The following DMD variants were observed in gnomAD, a reference collection of about 807,000 sequenced individuals.
DMD encodes the protein dystrophin.
In DMD, 63 loss-of-function variants were observed where a neutral mutation model predicts 330.1. That is an observed-to-expected ratio of 0.19 (90% confidence interval 0.16 to 0.24). DMD has a LOEUF of 0.24. DMD is among the 10% of genes least tolerant of loss of function. The pLI is 1.00. For missense variants in DMD, 3,344 were observed against 2,684.1 expected (o/e 1.25, Z -5.43); for synonymous variants, 1,223 against 959.8 (o/e 1.27, Z -5.07).
At chrX:33,129,617 A>ATT (rs200389574) in intron 1 of DMD, among the ~76,000 whole-genome samples, 2 of 105,716 alleles carry the variant, frequency 1.9e-5, no homozygotes, top group African/African-American at 6.9e-5. Flanking sequence ...AATGTGACTG[A>ATT]TTTTTTTTTT....
intron 29 of DMD, among the ~76,000 whole-genome samples, chrX:32,415,417 T>C (rs1373270827): frequency 3.6e-5 from 4 of 111,764 alleles, no homozygotes; most frequent in African/African-American, 6.5e-5. Context: ...AAAGACCTCA[T>C]GTCAATGCAA....
intron 60 of DMD, among the ~76,000 whole-genome samples, chrX:31,385,597 G>A (rs1376943275): frequency 8.9e-6 from 1 of 112,209 alleles, no homozygotes; most frequent in Non-Finnish European, 1.9e-5. Flanking sequence ...TTTGATACAG[G>A]CATGCAATGT....
At chrX:32,335,258 G>T (rs1417906975) in intron 41 of DMD, among the ~76,000 whole-genome samples, 2 of 108,821 alleles carry the variant, frequency 1.8e-5, no homozygotes, top group South Asian at 3.9e-4. Context: ...CTGTAGTGCA[G>T]TGGTGTGATC....
intron 1 of DMD, among the ~76,000 whole-genome samples, chrX:33,108,536 G>T (rs1182276635): frequency 9.2e-6 from 1 of 109,014 alleles, no homozygotes; most frequent in Non-Finnish European, 1.9e-5. Context: ...AAAGTGCTGG[G>T]ATTACAGGCA....
intron 50 of DMD, among the ~76,000 whole-genome samples, chrX:31,807,041 T>A (rs1309590523): frequency 9.0e-6 from 1 of 111,472 alleles, no homozygotes; most frequent in Non-Finnish European, 1.9e-5. Flanking sequence ...TATGAACATA[T>A]GTTGGAGGAA....
chrX:32,517,884 C>T (rs2046013617), intron 18 of DMD, 124 bp downstream of exon 18: 6 of 777,054 alleles, frequency 7.7e-6, no homozygotes, highest in Non-Finnish European at 9.7e-6. Context: ...ATTTTTAAGA[C>T]ATATTAAACA....
At chrX:32,729,573 A>G (rs1475633891) in intron 7 of DMD, among the ~76,000 whole-genome samples, 1 of 111,583 alleles carries the variant, frequency 9.0e-6, no homozygotes, top group Admixed American at 9.5e-5. Flanking sequence ...CCCCCAATCT[A>G]TCTTTAACAT....
At chrX:31,466,295 G>GT (rs907315688) in intron 59 of DMD, among the ~76,000 whole-genome samples, 2 of 111,953 alleles carry the variant, frequency 1.8e-5, no homozygotes, top group Non-Finnish European at 3.8e-5. Flanking sequence ...TTCTTCTAGG[G>GT]TTTTTATGGT....
intron 1 of DMD, among the ~76,000 whole-genome samples, chrX:33,206,697 G>A (rs1310770176): frequency 9.0e-6 from 1 of 111,060 alleles, no homozygotes; most frequent in Non-Finnish European, 1.9e-5. Context: ...TTTTGAACGA[G>A]TGATATCAGA....
At position 32,468,292 on chromosome X, in the gene DMD, A is replaced by C. The variant is rs181939140; in HGVS notation, c.3162+206T>G. ...ATGGTGAAAATAGAAAATTCATTCT[A>C]AAAACACTGAGAAAACTCCTATTCT... On this transcript the variant is annotated intron_variant, in intron 23 of 78. Coordinates refer to ENST00000357033, the MANE Select transcript of DMD (RefSeq NM_004006.3). 2.4e-4 allele frequency among the ~76,000 whole-genome samples: 27 copies of C among 111,218 alleles called. No individual in the cohort carries two copies. The East Asian group carries it at 6.8e-3, about 28-fold the overall frequency.
At chrX:32,846,471 C>T in intron 3 of DMD, among the ~76,000 whole-genome samples, 1 of 111,156 alleles carries the variant, frequency 9.0e-6, no homozygotes, top group East Asian at 2.8e-4. Flanking sequence ...ATCATTTGCA[C>T]TGCCTGCTGA....
rs189337842 is a variant in DMD at position 31,314,508 on chromosome X, G to T, written c.9224+9090C>A. ...TGAGAGTTTCAGGAAGAGCAGCGAG[G>T]CTTTTCAGTTTCATCCCCCCAGGAG... is the stretch of plus-strand genomic sequence containing the variant. On this transcript the variant is annotated intron_variant, in intron 62 of 78. Coordinates refer to ENST00000357033, the MANE Select transcript of DMD (RefSeq NM_004006.3). Among the ~76,000 whole-genome samples, 23 of 111,457 alleles carry T rather than the reference G, an allele frequency of 2.1e-4. No individual in the cohort carries two copies. In the Admixed American group the frequency reaches 2.2e-3, roughly 11 times the overall value.
At chrX:32,771,333 T>A (rs2073573278) in intron 7 of DMD, among the ~76,000 whole-genome samples, 1 of 111,630 alleles carries the variant, frequency 9.0e-6, no homozygotes, top group Non-Finnish European at 1.9e-5. Flanking sequence ...TTAGAAAGAC[T>A]GAAACTGATT....
At chrX:31,731,200 T>G (rs1307048177) in intron 51 of DMD, among the ~76,000 whole-genome samples, 2 of 112,089 alleles carry the variant, frequency 1.8e-5, no homozygotes, top group African/African-American at 6.5e-5. Context: ...AAATCCAATT[T>G]TCAGGTTTCT....
chrX:32,260,165 C>T (rs924785238), intron 43 of DMD, among the ~76,000 whole-genome samples: 1 of 111,069 alleles, frequency 9.0e-6, no homozygotes, highest in Non-Finnish European at 1.9e-5. Context: ...AGTGATGCAT[C>T]ACTTCTTGCC....
chrX:31,576,961 C>T (rs1319558066), intron 55 of DMD, among the ~76,000 whole-genome samples: 4 of 110,475 alleles, frequency 3.6e-5, no homozygotes, highest in East Asian at 2.8e-4. Flanking sequence ...GTGATCCGCC[C>T]GCCTCGGCCT....
At chrX:32,792,302 A>C (rs1012532362) in intron 7 of DMD, among the ~76,000 whole-genome samples, 3 of 110,868 alleles carry the variant, frequency 2.7e-5, no homozygotes, top group African/African-American at 1.0e-4. Flanking sequence ...AAAAATATAA[A>C]AACAACTAGT....
At chrX:32,474,755 T>C (rs1163254737) in intron 21 of DMD, among the ~76,000 whole-genome samples, 15 of 111,656 alleles carry the variant, frequency 1.3e-4, no homozygotes, top group African/African-American at 4.9e-4. Context: ...TGGATATTAG[T>C]CCTTTGTCAG....
intron 50 of DMD, among the ~76,000 whole-genome samples, chrX:31,809,979 C>T (rs1323677744): frequency 9.0e-6 from 1 of 110,999 alleles, no homozygotes; most frequent in African/African-American, 3.3e-5. Flanking sequence ...AGCACGCGAT[C>T]ATTTAATCTT....
Sources: allele counts gnomAD v4.1 joint callset (sites outside exome capture counted in the v4.1 genomes callset), GRCh38; gene constraint gnomAD v4.1.1; transcripts MANE v1.5; gene names NCBI Gene and HGNC (gene_info 2026-07-23, HGNC 2026-07-21).